PEAK1: variants seen among roughly 807,000 people sequenced by gnomAD.
The protein encoded by PEAK1 is pseudopodium enriched atypical kinase 1.
A neutral mutation model predicts 124.7 loss-of-function variants in PEAK1; 54 were observed. The observed-to-expected ratio is 0.43, with a 90% CI of 0.35 to 0.54. The LOEUF (loss-of-function observed/expected upper bound fraction) is 0.54, where lower values mean the gene tolerates loss of function less well. Ranked by LOEUF, PEAK1 falls within the 20% of genes least tolerant of loss-of-function variation. The pLI, the probability that PEAK1 is intolerant of heterozygous loss-of-function variation, is 0.01. For synonymous variants in PEAK1, 719 were observed against 760.0 expected, an observed-to-expected ratio of 0.95 and a Z score of 0.89; for missense variants, 2,046 against 2,134.5, an observed-to-expected ratio of 0.96 and a Z score of 0.82.
chr15:77,357,841 C>A (rs1388795871), intron 2 of PEAK1, among the ~76,000 whole-genome samples: 1 of 152,020 alleles, frequency 6.6e-6, no homozygotes, highest in African/African-American at 2.4e-5. Flanking sequence ...GACAGAGGCC[C>A]TCGAAAACTT....
intron 7 of PEAK1, 161 bp downstream of exon 7, chr15:77,178,629 T>C (rs2057032123): frequency 5.4e-6 from 4 of 742,258 alleles, no homozygotes; most frequent in Non-Finnish European, 8.6e-6. Context: ...ATCACTTTAA[T>C]ACTATTCTAA....
At chr15:77,146,795 T>C (rs984347853) in intron 8 of PEAK1, among the ~76,000 whole-genome samples, 2 of 152,214 alleles carry the variant, frequency 1.3e-5, no homozygotes, top group African/African-American at 4.8e-5. Context: ...AATAATTATT[T>C]GTTGAGGAAA....
intron 9 of PEAK1, among the ~76,000 whole-genome samples, chr15:77,129,173 G>T (rs2052633365): frequency 1.3e-5 from 2 of 152,174 alleles, no homozygotes; most frequent in African/African-American, 2.4e-5. Flanking sequence ...GCCATGTGAG[G>T]ACACAAAGAG....
chr15:77,152,079 A>T (rs2054682235), intron 8 of PEAK1, among the ~76,000 whole-genome samples: 1 of 152,226 alleles, frequency 6.6e-6, no homozygotes, highest in African/African-American at 2.4e-5. Context: ...TACCTTGGGC[A>T]GTATGGCCAT....
intron 1 of PEAK1, among the ~76,000 whole-genome samples, chr15:77,366,995 G>A (rs900754660): frequency 6.6e-6 from 1 of 152,136 alleles, no homozygotes. Flanking sequence ...TTAGCTGGGT[G>A]TGGTGGTGTG....
At chr15:77,375,435 G>A (rs2068933443) in intron 1 of PEAK1, among the ~76,000 whole-genome samples, 1 of 152,108 alleles carries the variant, frequency 6.6e-6, no homozygotes, top group African/African-American at 2.4e-5. Context: ...AAGTTCCATG[G>A]TGTATAAGCT....
At chr15:77,369,673 C>A (rs1164945349) in intron 1 of PEAK1, among the ~76,000 whole-genome samples, 1 of 149,408 alleles carries the variant, frequency 6.7e-6, no homozygotes, top group Admixed American at 6.6e-5. Flanking sequence ...GACTTCTGAA[C>A]TAAATAATTC....
At chr15:77,307,106 T>C (rs898698086) in intron 2 of PEAK1, among the ~76,000 whole-genome samples, 4 of 152,242 alleles carry the variant, frequency 2.6e-5, no homozygotes, top group African/African-American at 7.2e-5. Context: ...ACATAAATTA[T>C]TTTTATTATT....
At chr15:77,122,630 A>G (rs906527586) in intron 9 of PEAK1, among the ~76,000 whole-genome samples, 63 of 152,242 alleles carry the variant, frequency 4.1e-4, no homozygotes, top group African/African-American at 1.4e-3. Context: ...AAACATCCAA[A>G]ACCTCTCCTT....
chr15:77,344,407 A>C (rs1403834150), intron 2 of PEAK1, among the ~76,000 whole-genome samples: 1 of 152,146 alleles, frequency 6.6e-6, no homozygotes, highest in African/African-American at 2.4e-5. Flanking sequence ...TGTCTGTTTT[A>C]TTCCACTGGT....
Position 77,244,945 on chromosome 15 carries a change from G to A in PEAK1, c.-115+7422C>T, listed in dbSNP as rs781451032. On this transcript the variant is annotated intron_variant, in intron 6 of 9. Coordinates refer to ENST00000682557, the MANE Select transcript of PEAK1 (RefSeq NM_001385026.1). The stretch of plus-strand genomic sequence containing the variant: ...ATTGTAAGGTGCTGAATAAGCTAGT[G>A]GAATAAAAGAATATTTATTCATAAT... Among the ~76,000 whole-genome samples the A allele has an allele frequency of 2.0e-4, 30 of 151,926 alleles. 1 individual carries two copies. The highest frequency in any genetic ancestry group is 4.0e-4 in the Non-Finnish European group (27 of 67,978).
chr15:77,131,802 G>A (rs374145624), intron 9 of PEAK1, among the ~76,000 whole-genome samples: 19 of 152,084 alleles, frequency 1.2e-4, no homozygotes, highest in Non-Finnish European at 2.2e-4. Flanking sequence ...CATAAACCAG[G>A]TATGATGGCT....
intron 1 of PEAK1, among the ~76,000 whole-genome samples, chr15:77,406,218 G>A (rs1022244369): frequency 2.0e-5 from 3 of 152,178 alleles, no homozygotes; most frequent in African/African-American, 7.2e-5. Flanking sequence ...TTGAGGTTTA[G>A]CAGTATGGAT....
chr15:77,219,730 A>G (rs967477767), intron 6 of PEAK1, among the ~76,000 whole-genome samples: 5 of 152,140 alleles, frequency 3.3e-5, no homozygotes, highest in African/African-American at 9.7e-5. Context: ...TACTACAAGC[A>G]AAAATGACTT....
chr15:77,404,018 C>G (rs746261820), intron 1 of PEAK1: 47 of 975,928 alleles, frequency 4.8e-5, no homozygotes, highest in Non-Finnish European at 5.6e-5. Flanking sequence ...GAGCATAGTA[C>G]CTGGTAGTTA....
At chr15:77,316,558 G>A (rs2064887217) in intron 2 of PEAK1, among the ~76,000 whole-genome samples, 1 of 152,206 alleles carries the variant, frequency 6.6e-6, no homozygotes, top group South Asian at 2.1e-4. Context: ...GTAATCAAAT[G>A]GTCAATTGAG....
At chr15:77,212,427 G>A (rs2058946773) in intron 6 of PEAK1, among the ~76,000 whole-genome samples, 1 of 152,108 alleles carries the variant, frequency 6.6e-6, no homozygotes, top group Admixed American at 6.5e-5. Context: ...GCTTACTTGG[G>A]GAAGTGGAAT....
At chr15:77,358,815 G>C (rs552941145) in intron 2 of PEAK1, among the ~76,000 whole-genome samples, 2 of 152,204 alleles carry the variant, frequency 1.3e-5, no homozygotes, top group Non-Finnish European at 2.9e-5. Context: ...GGTTTGTACA[G>C]AAATTTTAAT....
intron 5 of PEAK1, among the ~76,000 whole-genome samples, chr15:77,256,632 T>C (rs1347067288): frequency 6.6e-6 from 1 of 152,122 alleles, no homozygotes; most frequent in Non-Finnish European, 1.5e-5. Context: ...ACATAAAAAC[T>C]AGATGAAATT....
Sources: gnomAD v4.1 joint callset for allele counts (sites outside exome capture counted in the v4.1 genomes callset) on GRCh38, gnomAD v4.1.1 for gene constraint, MANE v1.5 for transcripts, NCBI Gene and HGNC (gene_info 2026-07-23, HGNC 2026-07-21) for gene names.